The following RBFOX1 variants were observed in gnomAD, a reference collection of about 807,000 sequenced individuals.
RBFOX1 encodes the protein RNA binding protein fox-1 homolog 1.
RBFOX1 carries 8 observed loss-of-function variants against 57.7 expected under a neutral mutation model. The ratio of observed to expected loss-of-function variants is 0.14; its 90% CI spans 0.08 to 0.25. The LOEUF (loss-of-function observed/expected upper bound fraction) is 0.25, where lower values mean the gene tolerates loss of function less well. Among genes scored for constraint, RBFOX1 ranks in the 10% least tolerant of loss-of-function variants. The pLI is 1.00. For missense variants in RBFOX1, 611 were observed against 548.5 expected (o/e 1.11, Z -1.14); for synonymous variants, 326 against 222.4 (o/e 1.47, Z -4.15).
At chr16:6,456,372 G>C (rs2094773242) in intron 2 of RBFOX1, among the ~76,000 whole-genome samples, 2 of 152,136 alleles carry the variant, frequency 1.3e-5, no homozygotes, top group African/African-American at 4.8e-5. Context: ...GCATTGGCAT[G>C]GTCATAGCTT....
chr16:5,488,332 A>G (rs1391116587), intron 2 of RBFOX1, among the ~76,000 whole-genome samples: 1 of 128,696 alleles, frequency 7.8e-6, no homozygotes, highest in African/African-American at 2.8e-5. Flanking sequence ...ATGGATAATG[A>G]TAGAGATGAA....
intron 1 of RBFOX1, among the ~76,000 whole-genome samples, chr16:6,225,914 A>T (rs539283835): frequency 2.0e-5 from 3 of 152,296 alleles, no homozygotes; most frequent in Non-Finnish European, 2.9e-5. Context: ...GTGCTTTTTG[A>T]TAGTTAATGG....
chr16:6,575,162 C>G (rs959697065), intron 2 of RBFOX1, among the ~76,000 whole-genome samples: 1 of 152,038 alleles, frequency 6.6e-6, no homozygotes, highest in Non-Finnish European at 1.5e-5. Flanking sequence ...TGAAATCTGC[C>G]TTTAGAAAAA....
chr16:7,501,384 G>T (rs1257722698), intron 4 of RBFOX1, among the ~76,000 whole-genome samples: 1 of 152,098 alleles, frequency 6.6e-6, no homozygotes, highest in African/African-American at 2.4e-5. Flanking sequence ...CTTTATCTTG[G>T]CATGTATCAT....
chr16:5,763,207 C>T (rs1239017063), intron 3 of RBFOX1, among the ~76,000 whole-genome samples: 1 of 151,940 alleles, frequency 6.6e-6, no homozygotes, highest in Non-Finnish European at 1.5e-5. Flanking sequence ...CCGCTGTTGG[C>T]ACTTTAAGCT....
rs377196417 is a variant in RBFOX1, at chr16:6,806,977, G to A, written c.-16+152327G>A. ...GCCTCCTAAGTAGCTGAGATTGCAG[G>A]CACGTCTCACCACGTCCAGCTGATT... On this transcript the variant is annotated intron_variant, in intron 3 of 15. Coordinates refer to ENST00000550418, the MANE Select transcript of RBFOX1 (RefSeq NM_018723.4). 9.3e-5 allele frequency among the ~76,000 whole-genome samples: 14 copies of A among 151,288 alleles called. No homozygotes were observed. In the East Asian group the frequency reaches 1.4e-3, roughly 15 times the overall value.
At chr16:6,325,056 A>T (rs535082304) in intron 2 of RBFOX1, among the ~76,000 whole-genome samples, 66 of 152,266 alleles carry the variant, frequency 4.3e-4, no homozygotes, top group African/African-American at 1.5e-3. Context: ...GGTTGTAGTA[A>T]CGAATTACAG....
At chr16:7,281,439 C>G (rs1485134088) in intron 4 of RBFOX1, among the ~76,000 whole-genome samples, 1 of 151,968 alleles carries the variant, frequency 6.6e-6, no homozygotes, top group Non-Finnish European at 1.5e-5. Context: ...TACTTTAGTC[C>G]TCTCTTCTAT....
intron 3 of RBFOX1, among the ~76,000 whole-genome samples, chr16:5,712,911 T>C (rs2051547383): frequency 6.6e-6 from 1 of 152,200 alleles, no homozygotes; most frequent in Non-Finnish European, 1.5e-5. Context: ...TGACTAGTCA[T>C]GTTTTTCCAT....
intron 2 of RBFOX1, among the ~76,000 whole-genome samples, chr16:6,552,957 A>T (rs956520497): frequency 1.4e-4 from 22 of 152,254 alleles, no homozygotes; most frequent in Admixed American, 1.0e-3. Flanking sequence ...CTAATTAAAA[A>T]TTTTTTAAAA....
intron 3 of RBFOX1, among the ~76,000 whole-genome samples, chr16:6,994,648 G>A (rs371589495): frequency 6.6e-6 from 1 of 152,174 alleles, no homozygotes; most frequent in African/African-American, 2.4e-5. Flanking sequence ...CAAAGAAAGT[G>A]CCATCCACTT....
intron 2 of RBFOX1, among the ~76,000 whole-genome samples, chr16:6,386,517 C>G (rs1242941812): frequency 6.6e-6 from 1 of 152,126 alleles, no homozygotes; most frequent in Admixed American, 6.5e-5. Flanking sequence ...GATTCCTGCA[C>G]CTTTTCGAGC....
chr16:6,830,678 T>C (rs994106967), intron 3 of RBFOX1, among the ~76,000 whole-genome samples: 2 of 152,154 alleles, frequency 1.3e-5, no homozygotes, highest in African/African-American at 2.4e-5. Flanking sequence ...CAAGCCAAAA[T>C]AGCAACAGTG....
At position 7,676,103 on chromosome 16, in the gene RBFOX1, G is replaced by A. The variant is rs149241326; in HGVS notation, c.931-671G>A. Among the ~76,000 whole-genome samples, 329 of 152,146 alleles carry A rather than the reference G, an allele frequency of 2.2e-3. 1 individual carries two copies. The highest frequency in any genetic ancestry group is 3.4e-3 in the Non-Finnish European group (232 of 68,000). On this transcript the variant is annotated intron_variant, in intron 13 of 15. Coordinates refer to ENST00000550418, the MANE Select transcript of RBFOX1 (RefSeq NM_018723.4). ...TGTTAATGATTTTATTTACAAATTA[G>A]AAGACTATCATATTTTCCACACCAA...
At chr16:7,354,033 A>G (rs112308576) in intron 4 of RBFOX1, among the ~76,000 whole-genome samples, 5,202 of 152,184 alleles carry the variant, frequency 0.034, 200 homozygotes, top group African/African-American at 0.092. Context: ...GTGCAGTGGC[A>G]TGATCTGGGC....
At chr16:7,169,719 G>A (rs1026286628) in intron 4 of RBFOX1, among the ~76,000 whole-genome samples, 1 of 152,166 alleles carries the variant, frequency 6.6e-6, no homozygotes, top group Admixed American at 6.5e-5. Context: ...TGCATATGAT[G>A]ATACAGAGCA....
chr16:7,525,473 C>T (rs1046495644), intron 5 of RBFOX1, among the ~76,000 whole-genome samples: 2 of 152,104 alleles, frequency 1.3e-5, no homozygotes, highest in African/African-American at 4.8e-5. Context: ...GGTACATGGA[C>T]TTAAGATGTG....
At chr16:7,471,862 G>A (rs955254910) in intron 4 of RBFOX1, among the ~76,000 whole-genome samples, 1 of 152,192 alleles carries the variant, frequency 6.6e-6, no homozygotes, top group African/African-American at 2.4e-5. Context: ...GCTGGGAAGA[G>A]GTGTCACTAG....
At chr16:7,427,965 C>T (rs1045834939) in intron 4 of RBFOX1, among the ~76,000 whole-genome samples, 2 of 152,156 alleles carry the variant, frequency 1.3e-5, no homozygotes, top group Non-Finnish European at 2.9e-5. Flanking sequence ...CTTGAACATA[C>T]TCCGTGCCCC....
Sources: allele counts gnomAD v4.1 joint callset (sites outside exome capture counted in the v4.1 genomes callset), GRCh38; gene constraint gnomAD v4.1.1; transcripts MANE v1.5; gene names NCBI Gene and HGNC (gene_info 2026-07-23, HGNC 2026-07-21).